AFF3: variants seen among roughly 807,000 people sequenced by gnomAD.
AFF3 encodes AF4/FMR2 family member 3.
Under a neutral mutation model 129.7 loss-of-function variants are expected in AFF3, and 32 were observed. The observed-to-expected ratio is 0.25, with a 90% CI of 0.19 to 0.33. The LOEUF (loss-of-function observed/expected upper bound fraction) is 0.33, where lower values mean the gene tolerates loss of function less well. Ranked by LOEUF, AFF3 falls within the 10% of genes least tolerant of loss-of-function variation. The probability of loss-of-function intolerance (pLI) is 1.00; values close to 1 mark genes in which losing one functional copy is unlikely to be tolerated. For synonymous variants in AFF3, 644 were observed against 635.4 expected (o/e 1.01, Z -0.20); for missense variants, 1,373 against 1,592.0 (o/e 0.86, Z 2.34).
At chr2:99,737,394 T>C (rs1276142839) in intron 10 of AFF3, among the ~76,000 whole-genome samples, 4 of 152,138 alleles carry the variant, frequency 2.6e-5, no homozygotes, top group African/African-American at 4.8e-5. Context: ...GAGGATTTAC[T>C]GGTGGCATAC....
At position 99,863,783 on chromosome 2, in the gene AFF3, T is replaced by C. The variant is rs183290224; in HGVS notation, c.874-26259A>G. Among the ~76,000 whole-genome samples, 24 of 152,326 alleles carry C rather than the reference T, an allele frequency of 1.6e-4. No individual in the cohort carries two copies. The East Asian group carries it at 4.6e-3, about 29-fold the overall frequency. The stretch of plus-strand genomic sequence containing the variant: ...CAGCCCTGGGCCAGATTAGGATGGA[T>C]ACAGCAGATGAAAGAACATGACAGG... On this transcript the variant is annotated intron_variant, in intron 7 of 24. Coordinates refer to ENST00000672756, the MANE Select transcript of AFF3 (RefSeq NM_001386135.1).
intron 7 of AFF3, among the ~76,000 whole-genome samples, chr2:99,905,394 G>A (rs1456256527): frequency 6.6e-6 from 1 of 152,148 alleles, no homozygotes; most frequent in Non-Finnish European, 1.5e-5. Context: ...CCATGAGCCT[G>A]CCTCAAATTC....
chr2:100,118,685 T>TG (rs778894334), intron 2 of AFF3, among the ~76,000 whole-genome samples: 4 of 152,182 alleles, frequency 2.6e-5, no homozygotes, highest in Non-Finnish European at 5.9e-5. Context: ...TTTTGGCCCC[T>TG]GGGAATACCT....
intron 8 of AFF3, among the ~76,000 whole-genome samples, chr2:99,779,037 AATT>A (rs1684184423): frequency 6.6e-6 from 1 of 151,836 alleles, no homozygotes; most frequent in Admixed American, 6.6e-5. Context: ...TTTCTTGCCT[AATT>A]GCTCTGGCTA....
chr2:99,944,362 T>A (rs1173629330), intron 7 of AFF3, among the ~76,000 whole-genome samples: 1 of 152,262 alleles, frequency 6.6e-6, no homozygotes, highest in Non-Finnish European at 1.5e-5. Context: ...TATATTGGGT[T>A]GAAGTTGATT....
chr2:99,690,641 A>G (rs1056673605), intron 11 of AFF3, among the ~76,000 whole-genome samples: 5 of 152,324 alleles, frequency 3.3e-5, no homozygotes, highest in African/African-American at 1.2e-4. Context: ...TGCTTATGAA[A>G]TAAAAGTTGC....
intron 7 of AFF3, among the ~76,000 whole-genome samples, chr2:99,859,364 A>G (rs1207728477): frequency 6.6e-6 from 1 of 152,196 alleles, no homozygotes; most frequent in Non-Finnish European, 1.5e-5. Context: ...AAGCATTTAG[A>G]ACTGCTGTTA....
At chr2:99,896,392 C>T (rs1039219934) in intron 7 of AFF3, among the ~76,000 whole-genome samples, 23 of 151,884 alleles carry the variant, frequency 1.5e-4, no homozygotes, top group Non-Finnish European at 3.1e-4. Context: ...CCATCCTGAC[C>T]CACTCCCATG....
chr2:99,818,110 A>ATCCAAAATCTGAAATAC (rs1687383816), intron 8 of AFF3, among the ~76,000 whole-genome samples: 1 of 152,180 alleles, frequency 6.6e-6, no homozygotes, highest in South Asian at 2.1e-4. Flanking sequence ...AAATTTCAAA[A>ATCCAAAATCTGAAATAC]TCCAAAATCT....
intron 7 of AFF3, among the ~76,000 whole-genome samples, chr2:99,957,967 A>G (rs879451041): frequency 7.9e-5 from 12 of 152,184 alleles, no homozygotes; most frequent in Non-Finnish European, 1.6e-4. Flanking sequence ...CACAGTAATT[A>G]AAACGGGATG....
At chr2:99,654,033 C>T (rs757928724) in intron 12 of AFF3, among the ~76,000 whole-genome samples, 19 of 152,112 alleles carry the variant, frequency 1.2e-4, no homozygotes, top group Non-Finnish European at 2.4e-4. Flanking sequence ...GCATGCGCCA[C>T]CAAACCCAGC....
chr2:99,938,976 T>C (rs565018844), intron 7 of AFF3, among the ~76,000 whole-genome samples: 2 of 152,310 alleles, frequency 1.3e-5, no homozygotes, highest in African/African-American at 4.8e-5. Context: ...CGCTCTTATA[T>C]GGCTTGAGCA....
intron 13 of AFF3, among the ~76,000 whole-genome samples, chr2:99,631,375 C>A (rs1239254944): frequency 6.6e-6 from 1 of 152,130 alleles, no homozygotes; most frequent in African/African-American, 2.4e-5. Context: ...CCATTTTAAC[C>A]AATTTTAAGT....
chr2:99,625,782 CAT>C (rs1682483576), intron 13 of AFF3, among the ~76,000 whole-genome samples: 1 of 152,182 alleles, frequency 6.6e-6, no homozygotes, highest in African/African-American at 2.4e-5. Context: ...GATAAAATAT[CAT>C]ATGAGTCTAT....
intron 11 of AFF3, among the ~76,000 whole-genome samples, chr2:99,705,037 G>A (rs1677224822): frequency 6.6e-6 from 1 of 152,204 alleles, no homozygotes; most frequent in Non-Finnish European, 1.5e-5. Flanking sequence ...ACCCTGGTAG[G>A]AATATCAAGA....
chr2:99,654,622 T>C (rs1419707351), intron 12 of AFF3, among the ~76,000 whole-genome samples: 1 of 152,230 alleles, frequency 6.6e-6, no homozygotes, highest in Non-Finnish European at 1.5e-5. Context: ...ACATCATCTC[T>C]TCCTTGCGAC....
In AFF3 at chr2:99,549,477, T is replaced by G. The variant is rs544556138; in HGVS notation, c.*1997A>C. The G allele has an allele frequency of 1.9e-3, 335 of 179,130 alleles. 3 individuals are homozygous for G. Among genetic ancestry groups the G allele is most frequent in the African/African-American group, 7.6e-3 (320 of 42,360 alleles). 11.1% of individuals were successfully genotyped at this position (179,130 alleles called of 1,614,324 possible). A position where few individuals can be genotyped will look rare whatever the true frequency, so the allele number is the denominator to read the frequency against. ...GTGCACACCTGTAATCCCAGCTACT[T>G]GGGAGGCTGAGGCGGGACAATCACT... is the stretch of plus-strand genomic sequence containing the variant. On this transcript the variant is annotated 3_prime_UTR_variant, in exon 25 of 25. Coordinates refer to ENST00000672756, the MANE Select transcript of AFF3 (RefSeq NM_001386135.1).
At chr2:99,981,696 C>G (rs1479416759) in intron 7 of AFF3, among the ~76,000 whole-genome samples, 1 of 152,102 alleles carries the variant, frequency 6.6e-6, no homozygotes, top group Non-Finnish European at 1.5e-5. Context: ...TTTTAGAGCA[C>G]TGGGGCTTTT....
At chr2:99,890,103 A>C (rs994539588) in intron 7 of AFF3, among the ~76,000 whole-genome samples, 1 of 152,180 alleles carries the variant, frequency 6.6e-6, no homozygotes, top group Non-Finnish European at 1.5e-5. Context: ...TTCTCCCCCG[A>C]GTGCCCCAGA....
Sources: allele counts gnomAD v4.1 joint callset (sites outside exome capture counted in the v4.1 genomes callset), GRCh38; gene constraint gnomAD v4.1.1; transcripts MANE v1.5; gene names NCBI Gene and HGNC (gene_info 2026-07-23, HGNC 2026-07-21).